PFKFB2: variants seen among roughly 807,000 people sequenced by gnomAD.
PFKFB2 encodes the protein 6-phosphofructo-2-kinase/fructose-2,6-bisphosphatase 2.
PFKFB2 carries 53 observed loss-of-function variants against 68.0 expected under a neutral mutation model. That is an observed-to-expected ratio of 0.78 (90% confidence interval 0.63 to 0.98). PFKFB2 has a LOEUF of 0.98. Among genes scored for constraint, PFKFB2 ranks in the 50% least tolerant of loss-of-function variants. PFKFB2 has a pLI of 0.00. For missense variants in PFKFB2, 451 were observed against 642.0 expected (o/e 0.70, Z 3.22); for synonymous variants, 222 against 227.6 (o/e 0.98, Z 0.22).
intron 2 of PFKFB2, among the ~76,000 whole-genome samples, chr1:207,042,549 C>CAAAAAAAAAAAAAAAAAAAAAAAAAAAA: frequency 2.2e-5 from 1 of 44,714 alleles, no homozygotes; most frequent in Non-Finnish European, 4.2e-5. Flanking sequence ...CTCTGTCTCA[C>CAAAAAAAAAAAAAAAAAAAAAAAAAAAA]AAAAAAAAAA....
chr1:207,063,459 T>A lies in PFKFB2; in HGVS notation c.450+38T>A. 2 of 1,432,494 alleles carry A rather than the reference T, an allele frequency of 1.4e-6. No individual in the cohort carries two copies. The highest frequency in any genetic ancestry group is 2.0e-6 in the Non-Finnish European group (2 of 1,019,550). 88.7% of individuals were successfully genotyped at this position (1,432,494 alleles called of 1,614,324 possible). ...TCCATGTTGGAGGAAAAGGGATGAG[T>A]AGAGGTGGGGAGTCAGGCTACAGGC... On this transcript the variant is annotated intron_variant, in intron 6 of 14. Transcript: ENST00000367080. This position sits in a 1 kb window ranked among gnomAD's most constrained non-coding sequence, Gnocchi z 4.1.
chr1:207,065,083 C>G lies in PFKFB2; in HGVS notation c.555C>G (p.Asn185Lys). The G allele has an allele frequency of 6.2e-7, 1 of 1,613,976 alleles. No individual in the cohort carries two copies. Among genetic ancestry groups the G allele is most frequent in the East Asian group, 2.2e-5 (1 of 44,870 alleles). ...SPDYPERNRE[N>K]VMEDFLKRIE... ...ACTATCCTGAAAGGAACAGAGAGAA[C>G]GTGATGGAGGACTTCCTGAAGAGAA... The change falls in exon 8 of 15, where the codon AAC (asparagine) becomes AAG (lysine). Residue 185 changes from asparagine (N) to lysine (K), a missense_variant. Asn to Lys is a moderately conservative substitution (Grantham distance 94). Transcript: ENST00000367080.
chr1:207,050,990 G>A (rs753406894), upstream of PFKFB2: 6 of 1,531,374 alleles, frequency 3.9e-6, no homozygotes, highest in East Asian at 2.5e-5. Flanking sequence ...ACCAGGCGCC[G>A]GGTGGACTCC....
chr1:207,041,230 A>AT lies in PFKFB2; in HGVS notation c.-61-924dup, dbSNP rs750591427. Among the ~76,000 whole-genome samples, 936 of 141,996 alleles carry AT rather than the reference A, an allele frequency of 6.6e-3. 4 individuals are homozygous for AT. The highest frequency in any genetic ancestry group is 0.019 in the African/African-American group (755 of 38,752). The allele number at this position is 141,996 out of a possible 152,430, so 93.2% of individuals were successfully genotyped here. On this transcript the variant is annotated intron_variant, in intron 1 of 5. Coordinates refer to the PFKFB2 transcript ENST00000545806. The stretch of plus-strand genomic sequence containing the variant: ...GGCATGAGCCACCGCGCCTGGCCAG[A>AT]TTTTTTTTTTTTTTTAATTATACTT...
At position 207,077,624 on chromosome 1, in the gene PFKFB2, T is replaced by A. The variant is rs1683666245; in HGVS notation, c.*5253T>A. On this transcript the variant is annotated 3_prime_UTR_variant, in exon 15 of 15. Coordinates refer to ENST00000367080, the MANE Select transcript of PFKFB2 (RefSeq NM_006212.2). The stretch of plus-strand genomic sequence containing the variant: ...GGGAAGCCTAGGAAGAGAGTTCTAC[T>A]GTAGATTTCCTAGGCACTGCTCTGT... 12 of 985,572 alleles carry A rather than the reference T, an allele frequency of 1.2e-5. No homozygotes were observed. The highest frequency in any genetic ancestry group is 1.4e-5 in the Non-Finnish European group (12 of 829,686). The allele number at this position is 985,572 out of a possible 1,614,324, so 61.1% of individuals were successfully genotyped here.
At chr1:207,067,758 A>G (rs1435249614) in intron 9 of PFKFB2, 52 bp downstream of exon 9, 1 of 1,393,828 alleles carries the variant, frequency 7.2e-7, no homozygotes, top group Non-Finnish European at 1.0e-6. Flanking sequence ...TTAGAAGGGC[A>G]TGACTGAGGT....
rs758656378 is a variant in PFKFB2, at chr1:207,072,878, T to G, written c.*507T>G. 2.8e-5 allele frequency: 28 copies of G among 989,458 alleles called. 1 individual carries two copies. Among genetic ancestry groups the G allele is most frequent in the Middle Eastern group, 1.0e-3 (2 of 1,920 alleles). 61.3% of individuals were successfully genotyped at this position (989,458 alleles called of 1,614,324 possible). A position where few individuals can be genotyped will look rare whatever the true frequency, so the allele number is the denominator to read the frequency against. Reference sequence around the variant, plus strand: ...TCTTCCCCCACTTTCATGTCCCCTCTGGATTGTCCAGTGTAATGCATGGCA... The same window carrying G: ...TCTTCCCCCACTTTCATGTCCCCTCGGGATTGTCCAGTGTAATGCATGGCA... On this transcript the variant is annotated 3_prime_UTR_variant, in exon 15 of 15. Coordinates refer to ENST00000367080, the MANE Select transcript of PFKFB2 (RefSeq NM_006212.2).
chr1:207,071,988 C>G (rs755348701), intron 14 of PFKFB2, among the ~76,000 whole-genome samples: 5 of 152,142 alleles, frequency 3.3e-5, no homozygotes, highest in Non-Finnish European at 5.9e-5. Context: ...TTCTTTGGGT[C>G]TTTTTCCTGC....
Position 207,075,297 on chromosome 1 carries a change from C to A in PFKFB2, c.*2926C>A. On this transcript the variant is annotated 3_prime_UTR_variant, in exon 15 of 15. Transcript: ENST00000367080. ...AGAAGAGGAGCTGAGGTGGTCTTAT[C>A]CTCAGATAGGACATGAGAAATTGGA... 1.0e-6 allele frequency: 1 copy of A among 985,430 alleles called. No individual in the cohort carries two copies. Among genetic ancestry groups the A allele is most frequent in the Non-Finnish European group, 1.2e-6 (1 of 829,928 alleles). The allele number at this position is 985,430 out of a possible 1,614,324, so 61.0% of individuals were successfully genotyped here. A position where few individuals can be genotyped will look rare whatever the true frequency, so the allele number is the denominator to read the frequency against.
intron 8 of PFKFB2, among the ~76,000 whole-genome samples, chr1:207,065,451 G>A (rs187817091): frequency 6.6e-6 from 1 of 152,114 alleles, no homozygotes; most frequent in Admixed American, 6.5e-5. Context: ...CCGGGGCTCA[G>A]GTGATCCTCC....
upstream of PFKFB2, chr1:207,049,315 TC>T: frequency 6.2e-7 from 1 of 1,614,104 alleles, no homozygotes; most frequent in Non-Finnish European, 8.5e-7. Flanking sequence ...TCCTGCATCT[TC>T]CCCAAAACGA....
upstream of PFKFB2, chr1:207,052,271 T>C (rs1235850551): frequency 1.3e-6 from 2 of 1,587,050 alleles, no homozygotes; most frequent in Admixed American, 1.7e-5. Context: ...TTTTTTTTGC[T>C]GGTGCAATTT....
Position 207,039,459 on chromosome 1 carries a change from G to A in PFKFB2, c.-61-2710G>A, listed in dbSNP as rs367754953. 2.6e-5 allele frequency among the ~76,000 whole-genome samples: 4 copies of A among 152,108 alleles called. No homozygotes were observed. The South Asian group carries it at 6.2e-4, about 24-fold the overall frequency. ...TCCATTTAATTCAATATAAATATCC[G>A]ACAGAATGGAAATGAACTGTGTTAG... On this transcript the variant is annotated intron_variant, in intron 1 of 5. Coordinates refer to the PFKFB2 transcript ENST00000545806.
At chr1:207,047,339 T>C (rs970029845) in intron 2 of PFKFB2, 4 of 152,596 alleles carry the variant, frequency 2.6e-5, no homozygotes, top group African/African-American at 7.2e-5. Flanking sequence ...ACTTTGTGAA[T>C]TGTTCCTTAA....
At chr1:207,068,422 C>T in intron 10 of PFKFB2, 113 bp downstream of exon 10, 1 of 913,712 alleles carries the variant, frequency 1.1e-6, no homozygotes, top group Non-Finnish European at 1.5e-6. Flanking sequence ...CAAGTAAAAA[C>T]TCTGAGGAAG....
Position 207,076,268 on chromosome 1 carries a change from T to C in PFKFB2, c.*3897T>C. The stretch of plus-strand genomic sequence containing the variant: ...TTTTTTTTTCTTTTTTTTTTTTTTT[T>C]ATGAGCAGGAGATCTTAATTGACAG... On this transcript the variant is annotated 3_prime_UTR_variant, in exon 15 of 15. Transcript: ENST00000367080. The C allele has an allele frequency of 1.0e-6, 1 of 959,942 alleles. No homozygotes were observed. The highest frequency in any genetic ancestry group is 1.2e-6 in the Non-Finnish European group (1 of 807,480). The allele number at this position is 959,942 out of a possible 1,614,324, so 59.5% of individuals were successfully genotyped here. A position where few individuals can be genotyped will look rare whatever the true frequency, so the allele number is the denominator to read the frequency against.
intron 8 of PFKFB2, 54 bp from the exon 9 acceptor site, chr1:207,067,445 C>T: frequency 2.3e-6 from 3 of 1,288,360 alleles, no homozygotes; most frequent in Non-Finnish European, 1.1e-6. Context: ...CCCTCTGATT[C>T]TTATTCTCAG....
At chr1:207,066,531 A>G (rs1298723202) in intron 8 of PFKFB2, among the ~76,000 whole-genome samples, 1 of 152,268 alleles carries the variant, frequency 6.6e-6, no homozygotes, top group African/African-American at 2.4e-5. Flanking sequence ...CTAGAAAAAC[A>G]TACAGAAGAT....
upstream of PFKFB2, chr1:207,050,939 G>A: frequency 1.3e-6 from 2 of 1,581,624 alleles, no homozygotes; most frequent in Non-Finnish European, 1.7e-6. Context: ...CGCGGGGCCA[G>A]CTTTGGTCCC....
Sources: gnomAD v4.1 joint callset for allele counts (sites outside exome capture counted in the v4.1 genomes callset) on GRCh38, gnomAD v4.1.1 for gene constraint, Gnocchi (gnomAD v3.1) non-coding constraint, MANE v1.5 for transcripts, NCBI Gene and HGNC (gene_info 2026-07-23, HGNC 2026-07-21) for gene names.